The following GALNT14 variants were observed in gnomAD, a reference collection of about 807,000 sequenced individuals.
GALNT14 encodes the protein polypeptide N-acetylgalactosaminyltransferase 14.
A neutral mutation model predicts 77.5 loss-of-function variants in GALNT14; 60 were observed. That is an observed-to-expected ratio of 0.77 (90% CI 0.63 to 0.96). The LOEUF (loss-of-function observed/expected upper bound fraction) is 0.96, where lower values mean the gene tolerates loss of function less well. Ranked by LOEUF, GALNT14 falls within the 40% of genes least tolerant of loss-of-function variation. The pLI, the probability that GALNT14 is intolerant of heterozygous loss-of-function variation, is 0.00. For missense variants in GALNT14, 710 were observed against 731.0 expected, an observed-to-expected ratio of 0.97 and a Z score of 0.33; for synonymous variants, 280 against 281.7, an observed-to-expected ratio of 0.99 and a Z score of 0.06.
At chr2:30,987,642 C>T (rs936513699) in intron 2 of GALNT14, among the ~76,000 whole-genome samples, 5 of 152,244 alleles carry the variant, frequency 3.3e-5, no homozygotes, top group Admixed American at 2.0e-4. Flanking sequence ...TCCACACCGC[C>T]GGTGCATCTG....
At chr2:30,909,280 A>G (rs1293069998), downstream of GALNT14, among the ~76,000 whole-genome samples, 24 of 149,944 alleles carry the variant, frequency 1.6e-4, no homozygotes, top group African/African-American at 5.8e-4. Context: ...GCAACCTACA[A>G]AATGGGAGAA....
At chr2:31,016,542 G>C (rs377629408) in intron 1 of GALNT14, among the ~76,000 whole-genome samples, 1 of 152,036 alleles carries the variant, frequency 6.6e-6, no homozygotes, top group Non-Finnish European at 1.5e-5. Context: ...TGCCCCACAC[G>C]AACTCCTTCC....
intron 3 of GALNT14, 113 bp downstream of exon 3, chr2:30,966,091 C>T (rs889896): frequency 0.94 from 675,456 of 714,916 alleles, 319,412 homozygotes; most frequent in East Asian, 1. Flanking sequence ...GTGCCTGGCA[C>T]GTAGTTAGAT....
At chr2:31,009,614 C>T (rs1456213022) in intron 1 of GALNT14, among the ~76,000 whole-genome samples, 1 of 152,124 alleles carries the variant, frequency 6.6e-6, no homozygotes, top group African/African-American at 2.4e-5. Flanking sequence ...ACTGGACATG[C>T]CCACTTAAGG....
chr2:30,929,275 T>C (rs1395558376), intron 11 of GALNT14, 120 bp downstream of exon 11: 1 of 682,732 alleles, frequency 1.5e-6, no homozygotes, highest in East Asian at 2.7e-5. Context: ...GCCACAGCCT[T>C]GGGCCCTGCG....
At chr2:30,901,841 G>C in the GALNT14 span, among the ~76,000 whole-genome samples, 9 of 152,140 alleles carry the variant, frequency 5.9e-5, no homozygotes, top group African/African-American at 2.2e-4. Context: ...CACCTGGCAG[G>C]ATGGTGAGAC....
chr2:30,989,560 TTATATA>T (rs57594110), intron 2 of GALNT14, among the ~76,000 whole-genome samples: 1 of 87,108 alleles, frequency 1.1e-5, no homozygotes. Flanking sequence ...GGTAAATACC[TTATATA>T]TATATATATA....
At position 31,024,704 on chromosome 2, in the gene GALNT14, G is replaced by A. The variant is rs149239886; in HGVS notation, c.130-31697C>T. On this transcript the variant is annotated intron_variant, in intron 1 of 14. Coordinates refer to ENST00000349752, the MANE Select transcript of GALNT14 (RefSeq NM_024572.4). ...CTCCTCTTGCTAGAATGTTGGCCTC[G>A]TGAGGACAGGAATTCCAGTGGGTAT... Among the ~76,000 whole-genome samples the A allele has an allele frequency of 2.2e-3, 341 of 152,220 alleles. 1 individual carries two copies. Among genetic ancestry groups the A allele is most frequent in the Non-Finnish European group, 4.0e-3 (274 of 68,028 alleles).
rs541963462 is a variant in GALNT14, at chr2:30,967,512, G to A, written c.300-1210C>T. On this transcript the variant is annotated intron_variant, in intron 2 of 14. Coordinates refer to ENST00000349752, the MANE Select transcript of GALNT14 (RefSeq NM_024572.4). Reference sequence around the variant, plus strand: ...ATCAGGACTCAAGCATGGGCTGGGCGTGGGTCATCCAGGAGGAGCCAAAAG... The same window carrying A: ...ATCAGGACTCAAGCATGGGCTGGGCATGGGTCATCCAGGAGGAGCCAAAAG... 2.4e-4 allele frequency among the ~76,000 whole-genome samples: 37 copies of A among 152,318 alleles called. 1 individual carries two copies. Among genetic ancestry groups the A allele is most frequent in the Admixed American group, 1.6e-3 (25 of 15,306 alleles).
chr2:31,039,373 A>G (rs1014411023), intron 1 of GALNT14, among the ~76,000 whole-genome samples: 17 of 152,246 alleles, frequency 1.1e-4, no homozygotes, highest in African/African-American at 4.1e-4. Context: ...TTTAGTGCAC[A>G]GAAAAACCAT....
intron 13 of GALNT14, among the ~76,000 whole-genome samples, chr2:30,922,111 G>A (rs1248139014): frequency 6.6e-6 from 1 of 152,130 alleles, no homozygotes; most frequent in Non-Finnish European, 1.5e-5. Flanking sequence ...CATGGAGAGA[G>A]CTAGTGGGAC....
intron 2 of GALNT14, among the ~76,000 whole-genome samples, chr2:30,975,548 T>C (rs62141366): frequency 0.12 from 17,605 of 152,304 alleles, 1,238 homozygotes; most frequent in East Asian, 0.24. Flanking sequence ...TCTGGATACA[T>C]TGGAGTAAAT....
intron 13 of GALNT14, among the ~76,000 whole-genome samples, chr2:30,921,369 T>A (rs1278662982): frequency 6.6e-6 from 1 of 152,154 alleles, no homozygotes; most frequent in Non-Finnish European, 1.5e-5. Context: ...GGGATGTGTG[T>A]CCCCTACTCA....
chr2:31,043,426 C>T (rs12712303), intron 1 of GALNT14, among the ~76,000 whole-genome samples: 44,043 of 151,888 alleles, frequency 0.29, 6,902 homozygotes, highest in East Asian at 0.45. Flanking sequence ...TCCATAGTAG[C>T]TCCTCAATAA....
chr2:31,010,267 C>T (rs538550160), intron 1 of GALNT14, among the ~76,000 whole-genome samples: 57 of 152,128 alleles, frequency 3.7e-4, no homozygotes, highest in Non-Finnish European at 5.7e-4. Context: ...GGATTACAGG[C>T]GTGAACCACT....
intron 13 of GALNT14, among the ~76,000 whole-genome samples, chr2:30,918,857 C>G (rs893398655): frequency 2.9e-4 from 40 of 139,140 alleles, no homozygotes; most frequent in African/African-American, 9.0e-4. Context: ...TGGCATCAGG[C>G]GGGGAAGGTG....
At chr2:31,112,755 T>C (rs76869021) in intron 1 of GALNT14, among the ~76,000 whole-genome samples, 271 of 152,314 alleles carry the variant, frequency 1.8e-3, no homozygotes, top group African/African-American at 6.4e-3. Flanking sequence ...TGACGTCACT[T>C]CAAACCTTCT....
chr2:30,993,882 G>T (rs1326882314), intron 1 of GALNT14, among the ~76,000 whole-genome samples: 1 of 152,198 alleles, frequency 6.6e-6, no homozygotes, highest in Non-Finnish European at 1.5e-5. Context: ...CCTAGCCACA[G>T]CCCAGGCTGC....
intron 2 of GALNT14, among the ~76,000 whole-genome samples, chr2:30,966,547 G>A (rs184283703): frequency 6.6e-5 from 10 of 152,296 alleles, no homozygotes; most frequent in South Asian, 4.1e-4. Flanking sequence ...GCTTGGAGAC[G>A]AATTGAGTTG....
Sources: allele counts gnomAD v4.1 joint callset (sites outside exome capture counted in the v4.1 genomes callset), GRCh38; gene constraint gnomAD v4.1.1; transcripts MANE v1.5; gene names NCBI Gene and HGNC (gene_info 2026-07-23, HGNC 2026-07-21).